GRK5: variants seen among roughly 807,000 people sequenced by gnomAD.
GRK5 encodes the protein G protein-coupled receptor kinase 5.
GRK5 carries 40 observed loss-of-function variants against 78.4 expected under a neutral mutation model. That is an observed-to-expected ratio of 0.51 (90% CI 0.40 to 0.66). The LOEUF is 0.66. Ranked by LOEUF, GRK5 falls within the 30% of genes least tolerant of loss-of-function variation. The pLI is 0.00. For synonymous variants in GRK5, 289 were observed against 296.8 expected (o/e 0.97, Z 0.27); for missense variants, 598 against 759.9 (o/e 0.79, Z 2.50).
chr10:119,383,046 C>T (rs560277320), intron 3 of GRK5, among the ~76,000 whole-genome samples: 9 of 152,178 alleles, frequency 5.9e-5, no homozygotes, highest in East Asian at 3.9e-4. Context: ...CTCAGCCTCC[C>T]GAGTAGCTGG....
chr10:119,311,978 C>T (rs902250519), intron 1 of GRK5, among the ~76,000 whole-genome samples: 18 of 146,058 alleles, frequency 1.2e-4, no homozygotes, highest in Non-Finnish European at 2.5e-4. Context: ...TAGAGTGGCG[C>T]GATCTCAGCT....
In GRK5 at chr10:119,336,801, T is replaced by A. The variant is rs966089512; in HGVS notation, c.148+10190T>A. Reference sequence around the variant, plus strand: ...AGCCGTGCTGTGATAAGGCACAGCATCTGCTTGTCCTTGGAGGGCGAAATA... The same window carrying A: ...AGCCGTGCTGTGATAAGGCACAGCAACTGCTTGTCCTTGGAGGGCGAAATA... On this transcript the variant is annotated intron_variant, in intron 2 of 15. Coordinates refer to ENST00000392870, the MANE Select transcript of GRK5 (RefSeq NM_005308.3). The surrounding 1 kb of genome is among the most constrained non-coding windows in gnomAD (Gnocchi z 4.5). Among the ~76,000 whole-genome samples the A allele has an allele frequency of 2.0e-5, 3 of 152,206 alleles. No individual in the cohort carries two copies. Among genetic ancestry groups the A allele is most frequent in the African/African-American group, 7.2e-5 (3 of 41,460 alleles).
chr10:119,387,407 C>T (rs1447690066), intron 3 of GRK5, among the ~76,000 whole-genome samples: 6 of 152,154 alleles, frequency 3.9e-5, no homozygotes, highest in Admixed American at 6.5e-5. Context: ...ACTGTTTGCG[C>T]GTCATTTACT....
rs1366765945 is a variant in GRK5 at position 119,445,741 on chromosome 10, A to G, written c.1266+1989A>G. 6.6e-6 allele frequency among the ~76,000 whole-genome samples: 1 copy of G among 152,020 alleles called. No homozygotes were observed. Among genetic ancestry groups the G allele is most frequent in the Admixed American group, 6.5e-5 (1 of 15,276 alleles). On this transcript the variant is annotated intron_variant, in intron 12 of 15. Coordinates refer to ENST00000392870, the MANE Select transcript of GRK5 (RefSeq NM_005308.3). The surrounding 1 kb of genome is among the most constrained non-coding windows in gnomAD (Gnocchi z 4.1). ...CCTCCAGCTGGTGGCAGCTCAGGACACTGCAGAGCCTGACTTGCCAGGAGA... is the reference window on the plus strand; with the variant it reads ...CCTCCAGCTGGTGGCAGCTCAGGACGCTGCAGAGCCTGACTTGCCAGGAGA...
intron 3 of GRK5, among the ~76,000 whole-genome samples, chr10:119,394,371 G>GGTATCTGT (rs1564917150): frequency 5.0e-5 from 4 of 79,230 alleles, no homozygotes; most frequent in Non-Finnish European, 5.5e-5. Flanking sequence ...GGTGTGTGTG[G>GGTATCTGT]GTGTCGGTGT....
chr10:119,336,385 G>T lies in GRK5; in HGVS notation c.148+9774G>T, dbSNP rs996545642. ...CCTGCAGCCCCGAGTCCTAACAATG[G>T]TTACCCCCAGGGAAGGCGTGAAGGT... On this transcript the variant is annotated intron_variant, in intron 2 of 15. Coordinates refer to ENST00000392870, the MANE Select transcript of GRK5 (RefSeq NM_005308.3). The surrounding 1 kb of genome is among the most constrained non-coding windows in gnomAD (Gnocchi z 4.5). Among the ~76,000 whole-genome samples, 3 of 152,044 alleles carry T rather than the reference G, an allele frequency of 2.0e-5. No homozygotes were observed. In the East Asian group the frequency reaches 5.8e-4, roughly 29 times the overall value.
intron 1 of GRK5, among the ~76,000 whole-genome samples, chr10:119,261,080 A>G (rs59255736): frequency 6.2e-5 from 2 of 32,450 alleles, no homozygotes; most frequent in African/African-American, 8.8e-5. Context: ...GGCCGGGCGG[A>G]GACGCTCCTC....
In GRK5 at chr10:119,359,870, G is replaced by A. The variant is rs965351642; in HGVS notation, c.149-20945G>A. The stretch of plus-strand genomic sequence containing the variant: ...ATGCAGCAAGTCCCATGCAGAGTCC[G>A]GGGCAAATTCAGGTCCTGAGTGAGG... On this transcript the variant is annotated intron_variant, in intron 2 of 15. Transcript: ENST00000392870. Among the ~76,000 whole-genome samples, 6 of 152,278 alleles carry A rather than the reference G, an allele frequency of 3.9e-5. No homozygotes were observed. The South Asian group carries it at 8.3e-4, about 21-fold the overall frequency.
chr10:119,343,816 C>T (rs1851025500), intron 2 of GRK5, among the ~76,000 whole-genome samples: 1 of 152,190 alleles, frequency 6.6e-6, no homozygotes, highest in Non-Finnish European at 1.5e-5. Context: ...AGGGAGAGAG[C>T]AGAGAGCAAA....
At chr10:119,277,258 G>T (rs1451269754) in intron 1 of GRK5, among the ~76,000 whole-genome samples, 1 of 152,098 alleles carries the variant, frequency 6.6e-6, no homozygotes, top group East Asian at 1.9e-4. Context: ...CACCATGCTG[G>T]GTGGAGGCAC....
At position 119,275,020 on chromosome 10, in the gene GRK5, T is replaced by G. The variant is rs138557730; in HGVS notation, c.53-51496T>G. On this transcript the variant is annotated intron_variant, in intron 1 of 15. Transcript: ENST00000392870. ...CTAGCTTCCTAAGCACTCAGCTTCC[T>G]CACCTGTAAAATGAGCTCATGATAG... 4.2e-3 allele frequency among the ~76,000 whole-genome samples: 645 copies of G among 152,338 alleles called. 2 individuals are homozygous for G. The highest frequency in any genetic ancestry group is 0.015 in the African/African-American group (617 of 41,574).
intron 3 of GRK5, among the ~76,000 whole-genome samples, chr10:119,392,631 T>C (rs1851903127): frequency 6.6e-6 from 1 of 152,168 alleles, no homozygotes. Flanking sequence ...CTCGAACTCC[T>C]GACGTCAGGT....
rs373139289 is a variant in GRK5, at chr10:119,425,104, A to G, written c.533+19A>G. ...TGGAAAGGTGAGTCCACCACACCCC[A>G]TACAGATCAGGGAGGCAGAGGGTAC... On this transcript the variant is annotated intron_variant, in intron 6 of 15. Coordinates refer to ENST00000392870, the MANE Select transcript of GRK5 (RefSeq NM_005308.3). The G allele has an allele frequency of 1.7e-5, 26 of 1,536,680 alleles. No homozygotes were observed. Among genetic ancestry groups the G allele is most frequent in the Non-Finnish European group, 2.2e-5 (24 of 1,109,132 alleles).
intron 3 of GRK5, among the ~76,000 whole-genome samples, chr10:119,384,526 T>G (rs1210487273): frequency 6.6e-6 from 1 of 152,232 alleles, no homozygotes; most frequent in Non-Finnish European, 1.5e-5. Flanking sequence ...AGAGACTACA[T>G]GAGTTCTTAC....
chr10:119,382,864 G>C (rs1477127312), intron 3 of GRK5, among the ~76,000 whole-genome samples: 1 of 151,992 alleles, frequency 6.6e-6, no homozygotes, highest in East Asian at 1.9e-4. Context: ...GCTTCCCACA[G>C]TCTGAATTTT....
intron 3 of GRK5, among the ~76,000 whole-genome samples, chr10:119,394,090 T>TGGGG (rs1851935573): frequency 8.5e-6 from 1 of 116,982 alleles, no homozygotes; most frequent in African/African-American, 3.3e-5. Context: ...TGTGGGTATC[T>TGGGG]GTGTGTGTCT....
intron 2 of GRK5, among the ~76,000 whole-genome samples, chr10:119,353,570 C>G (rs551792814): frequency 2.0e-5 from 3 of 152,224 alleles, no homozygotes; most frequent in African/African-American, 7.2e-5. Context: ...CCAGGCTTTC[C>G]CTATGAACAG....
At chr10:119,338,465 T>A (rs1346407118) in intron 2 of GRK5, among the ~76,000 whole-genome samples, 1 of 152,250 alleles carries the variant, frequency 6.6e-6, no homozygotes, top group Non-Finnish European at 1.5e-5. Context: ...TTTTTCCCCA[T>A]ACATATACAT....
rs1343142497 is a variant in GRK5, at chr10:119,207,823, C to CAGCGGCGGCAGCCCG, written c.-91_-77dup. On this transcript the variant is annotated 5_prime_UTR_variant, in exon 1 of 16. Transcript: ENST00000392870. ...CTGCTGGCTCCCCCGGCTCCGGCAG[C>CAGCGGCGGCAGCCCG]AGCGGCGGCAGCCCGAGCAGCGGCA... is the stretch of plus-strand genomic sequence containing the variant. The CAGCGGCGGCAGCCCG allele has an allele frequency of 3.3e-6, 4 of 1,220,022 alleles. No individual in the cohort carries two copies. Among genetic ancestry groups the CAGCGGCGGCAGCCCG allele is most frequent in the Admixed American group, 2.5e-5 (1 of 39,940 alleles). 75.6% of individuals were successfully genotyped at this position (1,220,022 alleles called of 1,614,324 possible).
Sources: gnomAD v4.1 joint callset for allele counts (sites outside exome capture counted in the v4.1 genomes callset) on GRCh38, gnomAD v4.1.1 for gene constraint, Gnocchi (gnomAD v3.1) non-coding constraint, MANE v1.5 for transcripts, NCBI Gene and HGNC (gene_info 2026-07-23, HGNC 2026-07-21) for gene names.